NPAS3: variants seen among roughly 807,000 people sequenced by gnomAD.
NPAS3 encodes the protein neuronal PAS domain-containing protein 3.
NPAS3 carries 14 observed loss-of-function variants against 73.1 expected under a neutral mutation model. The observed-to-expected ratio is 0.19, with a 90% CI of 0.13 to 0.30. The LOEUF is 0.30. Ranked by LOEUF, NPAS3 falls within the 10% of genes least tolerant of loss-of-function variation. NPAS3 has a pLI of 1.00. For missense variants in NPAS3, 1,096 were observed against 1,250.0 expected, an observed-to-expected ratio of 0.88 and a Z score of 1.86; for synonymous variants, 620 against 541.5, an observed-to-expected ratio of 1.14 and a Z score of -2.01.
At chr14:33,692,866 C>CAT in intron 6 of NPAS3, among the ~76,000 whole-genome samples, 1 of 122,868 alleles carries the variant, frequency 8.1e-6, no homozygotes, top group East Asian at 2.6e-4. Flanking sequence ...AAAAAAAAGC[C>CAT]TTGAGTTAAT....
chr14:33,506,120 C>A (rs1566957838), intron 4 of NPAS3, among the ~76,000 whole-genome samples: 1 of 151,984 alleles, frequency 6.6e-6, no homozygotes, highest in East Asian at 1.9e-4. Flanking sequence ...TTATTTTTCA[C>A]CATTTCCCAT....
intron 3 of NPAS3, among the ~76,000 whole-genome samples, chr14:33,350,929 C>T (rs2053403): frequency 0.49 from 73,843 of 152,002 alleles, 19,047 homozygotes; most frequent in African/African-American, 0.66. Flanking sequence ...GGATCTTCTA[C>T]GGTTTTAGTG....
intron 3 of NPAS3, among the ~76,000 whole-genome samples, chr14:33,279,239 C>A (rs1037756063): frequency 1.3e-5 from 2 of 152,106 alleles, no homozygotes; most frequent in African/African-American, 4.8e-5. Context: ...GCTCCTAGGG[C>A]AGAGCTCCTC....
At chr14:33,395,665 G>T (rs369034310) in intron 4 of NPAS3, among the ~76,000 whole-genome samples, 84 of 152,148 alleles carry the variant, frequency 5.5e-4, no homozygotes, top group African/African-American at 1.4e-3. Flanking sequence ...GTTCATAAAA[G>T]CTTAACCCAG....
At chr14:33,405,899 A>G (rs1214435607) in intron 4 of NPAS3, among the ~76,000 whole-genome samples, 4 of 152,208 alleles carry the variant, frequency 2.6e-5, no homozygotes, top group South Asian at 2.1e-4. Flanking sequence ...CAATGTCTTA[A>G]TTGAGTCTAT....
At chr14:33,732,351 A>C (rs1566478407) in intron 6 of NPAS3, among the ~76,000 whole-genome samples, 1 of 152,178 alleles carries the variant, frequency 6.6e-6, no homozygotes, top group African/African-American at 2.4e-5. Flanking sequence ...CACGTGAGAC[A>C]GTTCAAAAGC....
At chr14:33,731,106 C>T (rs1468096294) in intron 6 of NPAS3, among the ~76,000 whole-genome samples, 1 of 151,986 alleles carries the variant, frequency 6.6e-6, no homozygotes, top group Non-Finnish European at 1.5e-5. Context: ...ACTTTAATTA[C>T]AGTGAAAACA....
chr14:33,646,995 G>C (rs1008089951), intron 5 of NPAS3, among the ~76,000 whole-genome samples: 1 of 152,164 alleles, frequency 6.6e-6, no homozygotes, highest in Admixed American at 6.5e-5. Context: ...GAGCTGTCTT[G>C]TAGTATCAGC....
intron 9 of NPAS3, among the ~76,000 whole-genome samples, chr14:33,786,816 T>C (rs1292063307): frequency 1.3e-5 from 2 of 152,182 alleles, no homozygotes; most frequent in Non-Finnish European, 2.9e-5. Context: ...ATTCCAAACC[T>C]AAAACAATCC....
intron 4 of NPAS3, among the ~76,000 whole-genome samples, chr14:33,396,312 A>G (rs900239062): frequency 2.0e-5 from 3 of 152,128 alleles, no homozygotes; most frequent in Admixed American, 6.6e-5. Context: ...TGCCTTTAAC[A>G]TAGTCCCATT....
chr14:33,383,983 AT>A (rs1330655292), intron 4 of NPAS3, among the ~76,000 whole-genome samples: 2 of 152,194 alleles, frequency 1.3e-5, no homozygotes, highest in African/African-American at 2.4e-5. Context: ...AAATATAAAA[AT>A]AAAAAACTTT....
chr14:33,082,513 C>T (rs1244906155), intron 2 of NPAS3, among the ~76,000 whole-genome samples: 2 of 152,118 alleles, frequency 1.3e-5, no homozygotes, highest in East Asian at 1.9e-4. Flanking sequence ...TTTACCGTGT[C>T]GATTTGACAC....
At chr14:33,778,903 C>A (rs1806809337) in intron 9 of NPAS3, among the ~76,000 whole-genome samples, 1 of 152,158 alleles carries the variant, frequency 6.6e-6, no homozygotes, top group Non-Finnish European at 1.5e-5. Context: ...ACAACTTCCA[C>A]TCTGAAATTT....
At chr14:33,285,232 G>A (rs144011803) in intron 3 of NPAS3, among the ~76,000 whole-genome samples, 291 of 152,276 alleles carry the variant, frequency 1.9e-3, no homozygotes, top group Middle Eastern at 0.01. Flanking sequence ...CAGAGCTGCC[G>A]TAGTCAGAAG....
chr14:33,180,868 G>C (rs1194867172), intron 2 of NPAS3, among the ~76,000 whole-genome samples: 2 of 149,974 alleles, frequency 1.3e-5, no homozygotes, highest in Non-Finnish European at 3.0e-5. Context: ...ATTCAGTAGT[G>C]ATGACAGATT....
intron 4 of NPAS3, 86 bp downstream of exon 4, chr14:33,367,354 A>G: frequency 1.6e-6 from 1 of 640,008 alleles, no homozygotes; most frequent in South Asian, 2.1e-5. Context: ...ATTTTTTTTA[A>G]ATGTCAGCTG....
At chr14:33,486,025 G>A (rs1183588923) in intron 4 of NPAS3, among the ~76,000 whole-genome samples, 3 of 152,052 alleles carry the variant, frequency 2.0e-5, no homozygotes, top group Non-Finnish European at 2.9e-5. Flanking sequence ...ATTGGTGCAG[G>A]CAGCCTCCTG....
chr14:33,642,745 A>G (rs2058708472), intron 5 of NPAS3, among the ~76,000 whole-genome samples: 2 of 152,288 alleles, frequency 1.3e-5, no homozygotes, highest in Non-Finnish European at 2.9e-5. Context: ...CAAGGTCACA[A>G]CAGAGCATAT....
intron 4 of NPAS3, among the ~76,000 whole-genome samples, chr14:33,527,373 A>G (rs1163057307): frequency 6.6e-6 from 1 of 152,196 alleles, no homozygotes. Flanking sequence ...GTTGCCCAGA[A>G]CAACTGTACA....
Sources: allele counts gnomAD v4.1 joint callset (sites outside exome capture counted in the v4.1 genomes callset), GRCh38; gene constraint gnomAD v4.1.1; transcripts MANE v1.5; gene names NCBI Gene and HGNC (gene_info 2026-07-23, HGNC 2026-07-21).